TENM3: variants seen among roughly 807,000 people sequenced by gnomAD.
TENM3 encodes teneurin transmembrane protein 3.
TENM3 carries 63 observed loss-of-function variants against 255.1 expected under a neutral mutation model. The observed-to-expected ratio is 0.25, with a 90% CI of 0.20 to 0.30. The LOEUF is 0.30. TENM3 is among the 10% of genes least tolerant of loss of function. TENM3 has a pLI of 1.00. For synonymous variants in TENM3, 1,306 were observed against 1,322.3 expected (o/e 0.99, Z 0.27); for missense variants, 2,929 against 3,461.1 (o/e 0.85, Z 3.86).
At chr4:182,372,576 T>C (rs990398270) in intron 3 of TENM3, among the ~76,000 whole-genome samples, 1 of 152,176 alleles carries the variant, frequency 6.6e-6, no homozygotes, top group African/African-American at 2.4e-5. Context: ...GCTCAAGTTA[T>C]AAGAGTAATG....
At chr4:182,173,841 G>A (rs569570280) in intron 1 of TENM3, among the ~76,000 whole-genome samples, 1 of 152,298 alleles carries the variant, frequency 6.6e-6, no homozygotes, top group Non-Finnish European at 1.5e-5. Context: ...TAAAGATAAT[G>A]TGGATAAATG....
chr4:181,798,544 A>C, the TENM3 span, among the ~76,000 whole-genome samples: 1 of 152,312 alleles, frequency 6.6e-6, no homozygotes, highest in Non-Finnish European at 1.5e-5. Context: ...CAGGAAAAGA[A>C]GACTCAATAC....
At chr4:181,979,530 C>A in the TENM3 span, among the ~76,000 whole-genome samples, 1 of 152,076 alleles carries the variant, frequency 6.6e-6, no homozygotes, top group Non-Finnish European at 1.5e-5. Context: ...AGAGGTGAAA[C>A]CTTGATTCCA....
At chr4:181,449,266 A>G in the TENM3 span, among the ~76,000 whole-genome samples, 1 of 152,190 alleles carries the variant, frequency 6.6e-6, no homozygotes, top group African/African-American at 2.4e-5. Flanking sequence ...ATGTAGGTCT[A>G]TGATATATAT....
the TENM3 span, among the ~76,000 whole-genome samples, chr4:182,046,407 C>T: frequency 3.3e-5 from 5 of 152,062 alleles, no homozygotes; most frequent in African/African-American, 1.2e-4. Flanking sequence ...TAATGCTCAA[C>T]AAATTGTGCA....
chr4:182,378,633 G>A (rs1042327506), intron 3 of TENM3, among the ~76,000 whole-genome samples: 5 of 152,144 alleles, frequency 3.3e-5, no homozygotes, highest in African/African-American at 7.2e-5. Context: ...AACAGGCCTC[G>A]GAAGGGTCAC....
intron 3 of TENM3, among the ~76,000 whole-genome samples, chr4:182,558,580 A>G (rs1742808552): frequency 6.6e-6 from 1 of 152,224 alleles, no homozygotes; most frequent in Non-Finnish European, 1.5e-5. Flanking sequence ...ATATAAATGC[A>G]TAAAAAGGCC....
At chr4:181,952,191 T>A in the TENM3 span, among the ~76,000 whole-genome samples, 1 of 152,254 alleles carries the variant, frequency 6.6e-6, no homozygotes, top group African/African-American at 2.4e-5. Flanking sequence ...GCCTTTCTTT[T>A]GGAAGCAAAT....
chr4:181,888,267 G>A, the TENM3 span, among the ~76,000 whole-genome samples: 1 of 151,530 alleles, frequency 6.6e-6, no homozygotes, highest in Non-Finnish European at 1.5e-5. Flanking sequence ...CTGACCTCAA[G>A]TGATCCACCC....
At chr4:181,860,008 G>A in the TENM3 span, among the ~76,000 whole-genome samples, 14 of 152,092 alleles carry the variant, frequency 9.2e-5, no homozygotes, top group Non-Finnish European at 1.9e-4. Flanking sequence ...GACCATCCCT[G>A]GGAACTCATA....
At chr4:181,955,134 G>T in the TENM3 span, among the ~76,000 whole-genome samples, 1 of 152,016 alleles carries the variant, frequency 6.6e-6, no homozygotes, top group East Asian at 1.9e-4. Flanking sequence ...TATCTCACAG[G>T]TTTCTTGTAG....
intron 1 of TENM3, among the ~76,000 whole-genome samples, chr4:182,280,461 A>T (rs567124660): frequency 6.6e-6 from 1 of 152,342 alleles, no homozygotes; most frequent in Non-Finnish European, 1.5e-5. Context: ...TTGACAGTTT[A>T]TCTCTTACTC....
the TENM3 span, among the ~76,000 whole-genome samples, chr4:181,552,829 A>G: frequency 6.6e-6 from 1 of 152,220 alleles, no homozygotes; most frequent in Non-Finnish European, 1.5e-5. Context: ...CCGTATTCCA[A>G]TGTGGGCTTT....
At chr4:182,345,350 C>T (rs1377735290) in intron 2 of TENM3, among the ~76,000 whole-genome samples, 1 of 152,096 alleles carries the variant, frequency 6.6e-6, no homozygotes, top group African/African-American at 2.4e-5. Context: ...ATTTATAATA[C>T]CCTCTTTCAA....
At chr4:182,242,604 T>C (rs1370056479), upstream of TENM3, among the ~76,000 whole-genome samples, 1 of 152,000 alleles carries the variant, frequency 6.6e-6, no homozygotes, top group Non-Finnish European at 1.5e-5. Context: ...CTACAAAAAA[T>C]ACAAAAATTA....
At chr4:181,914,512 G>A in the TENM3 span, among the ~76,000 whole-genome samples, 3 of 152,090 alleles carry the variant, frequency 2.0e-5, no homozygotes, top group African/African-American at 7.2e-5. Context: ...CAAAACATAT[G>A]ACAGTATTAT....
the TENM3 span, among the ~76,000 whole-genome samples, chr4:181,994,840 T>C: frequency 2.0e-5 from 3 of 152,188 alleles, no homozygotes; most frequent in African/African-American, 7.2e-5. Context: ...AATGTAATTG[T>C]CCTTCACAAC....
At chr4:181,668,568 T>C in the TENM3 span, among the ~76,000 whole-genome samples, 1 of 152,176 alleles carries the variant, frequency 6.6e-6, no homozygotes, top group Non-Finnish European at 1.5e-5. Flanking sequence ...ATTTACATAG[T>C]GTCCTTCTTG....
chr4:182,252,578 G>A (rs1758088888), intron 1 of TENM3, among the ~76,000 whole-genome samples: 1 of 152,122 alleles, frequency 6.6e-6, no homozygotes, highest in Admixed American at 6.5e-5. Context: ...GACCTTCAGA[G>A]TCCCTCCTAT....
Sources: allele counts gnomAD v4.1 joint callset (sites outside exome capture counted in the v4.1 genomes callset), GRCh38; gene constraint gnomAD v4.1.1; transcripts MANE v1.5; gene names NCBI Gene and HGNC (gene_info 2026-07-23, HGNC 2026-07-21).